The following ZNF385D variants were observed in gnomAD, a reference collection of about 807,000 sequenced individuals.
The protein encoded by ZNF385D is zinc finger protein 385D.
Under a neutral mutation model 35.8 loss-of-function variants are expected in ZNF385D, and 15 were observed. The ratio of observed to expected loss-of-function variants is 0.42; its 90% CI spans 0.28 to 0.64. ZNF385D has a LOEUF of 0.64. ZNF385D is among the 30% of genes least tolerant of loss of function. ZNF385D has a pLI of 0.23. For synonymous variants in ZNF385D, 212 were observed against 186.8 expected (o/e 1.13, Z -1.10); for missense variants, 474 against 494.6 (o/e 0.96, Z 0.39).
intron 2 of ZNF385D, among the ~76,000 whole-genome samples, chr3:22,194,229 T>C (rs890170626): frequency 6.6e-6 from 1 of 151,910 alleles, no homozygotes; most frequent in African/African-American, 2.4e-5. Context: ...TAAGCCATTT[T>C]TGCCAAAATT....
At chr3:22,027,062 C>A (rs1452999999) in intron 3 of ZNF385D, among the ~76,000 whole-genome samples, 1 of 152,176 alleles carries the variant, frequency 6.6e-6, no homozygotes, top group Non-Finnish European at 1.5e-5. Flanking sequence ...CCATAAGGCC[C>A]ACCCAAAGCA....
chr3:21,569,953 T>C (rs1014127050), intron 2 of ZNF385D, among the ~76,000 whole-genome samples: 1 of 151,126 alleles, frequency 6.6e-6, no homozygotes, highest in Non-Finnish European at 1.5e-5. Context: ...ATATACCTAA[T>C]GCTAAATGAC....
At chr3:21,780,171 A>G (rs6786115) in intron 3 of ZNF385D, among the ~76,000 whole-genome samples, 65,603 of 151,858 alleles carry the variant, frequency 0.43, 15,444 homozygotes, top group Middle Eastern at 0.56. Context: ...AAACCCTTAC[A>G]TAACATTTAC....
intron 3 of ZNF385D, among the ~76,000 whole-genome samples, chr3:22,100,477 T>C (rs1701872937): frequency 6.6e-6 from 1 of 151,742 alleles, no homozygotes; most frequent in Non-Finnish European, 1.5e-5. Flanking sequence ...ATGTGGCACA[T>C]ATACACCATG....
chr3:22,196,468 T>C (rs952990446), intron 2 of ZNF385D, among the ~76,000 whole-genome samples: 1 of 152,112 alleles, frequency 6.6e-6, no homozygotes, highest in Non-Finnish European at 1.5e-5. Flanking sequence ...TATTTTCTCC[T>C]TTCATTCTTT....
At chr3:21,491,897 T>C (rs1019693480) in intron 4 of ZNF385D, among the ~76,000 whole-genome samples, 2 of 152,170 alleles carry the variant, frequency 1.3e-5, no homozygotes, top group African/African-American at 4.8e-5. Flanking sequence ...TCCAGCTATG[T>C]AAAATTTTAC....
At chr3:21,676,475 G>T (rs921054357) in intron 1 of ZNF385D, among the ~76,000 whole-genome samples, 1 of 151,928 alleles carries the variant, frequency 6.6e-6, no homozygotes, top group Admixed American at 6.6e-5. Context: ...AGTAATTGTG[G>T]AATCCCAAAA....
chr3:22,140,800 T>C (rs1704459043), intron 3 of ZNF385D, among the ~76,000 whole-genome samples: 1 of 152,240 alleles, frequency 6.6e-6, no homozygotes, highest in African/African-American at 2.4e-5. Context: ...TGGCCATTTC[T>C]AAAATTACTT....
intron 4 of ZNF385D, among the ~76,000 whole-genome samples, chr3:21,457,806 T>A (rs762438762): frequency 6.6e-6 from 1 of 152,216 alleles, no homozygotes; most frequent in Non-Finnish European, 1.5e-5. Context: ...TAAGTTAATT[T>A]AAGAATTACA....
At chr3:22,292,036 T>C (rs1702326539) in intron 2 of ZNF385D, among the ~76,000 whole-genome samples, 1 of 152,058 alleles carries the variant, frequency 6.6e-6, no homozygotes, top group African/African-American at 2.4e-5. Context: ...ATATTGGATA[T>C]TGGAGCCCTT....
chr3:22,231,569 G>A (rs11921790), intron 2 of ZNF385D, among the ~76,000 whole-genome samples: 12 of 152,010 alleles, frequency 7.9e-5, no homozygotes, highest in African/African-American at 2.9e-4. Context: ...GGGACACCAA[G>A]GTCTCTGCTT....
Position 21,751,202 on chromosome 3 carries a change from A to G in ZNF385D, c.-286T>C. ...GCGATGTCCTTGCCGCGCCTGTGAC[A>G]TCAGGACTGAGAGTACTACAAGCAG... On this transcript the variant is annotated 5_prime_UTR_variant, in exon 1 of 8. The change abolishes an upstream ATG in the 5' untranslated region. Transcript: ENST00000281523. 7.4e-7 allele frequency: 1 copy of G among 1,352,626 alleles called. No individual in the cohort carries two copies. The allele number at this position is 1,352,626 out of a possible 1,614,324, so 83.8% of individuals were successfully genotyped here.
intron 1 of ZNF385D, among the ~76,000 whole-genome samples, chr3:21,686,651 A>G (rs1224550256): frequency 1.3e-5 from 2 of 152,334 alleles, no homozygotes; most frequent in East Asian, 1.9e-4. Flanking sequence ...TTGCACTTAC[A>G]TACAGCACAC....
intron 2 of ZNF385D, among the ~76,000 whole-genome samples, chr3:21,564,916 TACTA>T (rs1360933672): frequency 9.9e-5 from 15 of 152,194 alleles, no homozygotes; most frequent in African/African-American, 2.2e-4. Flanking sequence ...AGAGTCTGCA[TACTA>T]ACTGTTTTTC....
chr3:21,900,416 T>C (rs1699341990), intron 3 of ZNF385D, among the ~76,000 whole-genome samples: 2 of 152,186 alleles, frequency 1.3e-5, no homozygotes, highest in African/African-American at 2.4e-5. Flanking sequence ...GTGACCTCTT[T>C]ATAATAATGT....
At chr3:21,892,913 G>A (rs1328577371) in intron 3 of ZNF385D, among the ~76,000 whole-genome samples, 1 of 152,116 alleles carries the variant, frequency 6.6e-6, no homozygotes, top group Non-Finnish European at 1.5e-5. Flanking sequence ...GTCAGAGTAA[G>A]TGACATATTG....
chr3:21,890,065 T>G (rs1391157750), intron 3 of ZNF385D, among the ~76,000 whole-genome samples: 2 of 152,190 alleles, frequency 1.3e-5, no homozygotes, highest in South Asian at 4.1e-4. Context: ...ATACCCTATC[T>G]GCAAATAACA....
chr3:21,685,141 T>A (rs2067064348), intron 1 of ZNF385D, among the ~76,000 whole-genome samples: 3 of 152,202 alleles, frequency 2.0e-5, no homozygotes, highest in African/African-American at 7.2e-5. Flanking sequence ...GTGTTATGGC[T>A]TATTATTTCA....
rs1206884705 is a variant in ZNF385D at position 22,284,759 on chromosome 3, AATAAG to A, written c.106+87686_106+87690del. Among the ~76,000 whole-genome samples, 10 of 152,150 alleles carry A rather than the reference AATAAG, an allele frequency of 6.6e-5. No individual in the cohort carries two copies. In the South Asian group the frequency reaches 8.3e-4, roughly 13 times the overall value. On this transcript the variant is annotated intron_variant, in intron 2 of 5. Coordinates refer to the ZNF385D transcript ENST00000494108. ...TGAATCATTCATTCTTATGAAAATAAATAAGATAAAATTTACAATCATAATTTAAG... is the reference window on the plus strand; with the variant it reads ...TGAATCATTCATTCTTATGAAAATAAATAAAATTTACAATCATAATTTAAG...
Sources: gnomAD v4.1 joint callset for allele counts (sites outside exome capture counted in the v4.1 genomes callset) on GRCh38, gnomAD v4.1.1 for gene constraint, MANE v1.5 for transcripts, NCBI Gene and HGNC (gene_info 2026-07-23, HGNC 2026-07-21) for gene names.